MUC15: variants seen among roughly 807,000 people sequenced by gnomAD.
The protein encoded by MUC15 is mucin 15, cell surface associated.
A neutral mutation model predicts 24.0 loss-of-function variants in MUC15; 23 were observed. That is an observed-to-expected ratio of 0.96 (90% CI 0.69 to 1.36). MUC15 has a LOEUF of 1.36. Ranked by LOEUF, MUC15 falls within the 40% of genes most tolerant of loss-of-function variation. The pLI, the probability that MUC15 is intolerant of heterozygous loss-of-function variation, is 0.00. For synonymous variants in MUC15, 151 were observed against 156.3 expected, an observed-to-expected ratio of 0.97 and a Z score of 0.25; for missense variants, 442 against 428.2, an observed-to-expected ratio of 1.03 and a Z score of -0.29.
Position 26,559,858 on chromosome 11 carries a change from A to G in MUC15, c.*1207T>C. On this transcript the variant is annotated 3_prime_UTR_variant, in exon 5 of 5. Coordinates refer to ENST00000529533, the MANE Select transcript of MUC15 (RefSeq NM_001135091.2). ...GTTACACACACACACACACACACACACACACACACACACACACCATGAATC... is the reference window on the plus strand; with the variant it reads ...GTTACACACACACACACACACACACGCACACACACACACACACCATGAATC... 1.1e-6 allele frequency: 1 copy of G among 908,304 alleles called. No homozygotes were observed. The highest frequency in any genetic ancestry group is 1.6e-5 in the African/African-American group (1 of 60,928). The allele number at this position is 908,304 out of a possible 1,614,324, so 56.3% of individuals were successfully genotyped here. A position where few individuals can be genotyped will look rare whatever the true frequency, so the allele number is the denominator to read the frequency against.
At chr11:26,565,972 A>C (rs1020500482) in intron 2 of MUC15, 76 bp from the exon 3 acceptor site, 3 of 1,321,500 alleles carry the variant, frequency 2.3e-6, no homozygotes, top group Admixed American at 3.0e-5. Flanking sequence ...TATATTTTAA[A>C]GTGATAAAAA....
intron 1 of MUC15, among the ~76,000 whole-genome samples, chr11:26,569,396 G>A (rs531639989): frequency 1.4e-4 from 22 of 152,124 alleles, no homozygotes; most frequent in African/African-American, 5.1e-4. Flanking sequence ...TTGTGAAGAC[G>A]GATTGTCCTG....
At chr11:26,570,566 C>T (rs182530791) in intron 1 of MUC15, among the ~76,000 whole-genome samples, 1 of 152,092 alleles carries the variant, frequency 6.6e-6, no homozygotes, top group Non-Finnish European at 1.5e-5. Flanking sequence ...TAAATAGAAT[C>T]ATCAGTTCAG....
Position 26,572,242 on chromosome 11 carries a change from C to G in MUC15, c.-247G>C. On this transcript the variant is annotated 5_prime_UTR_variant, in exon 1 of 5. Coordinates refer to ENST00000529533, the MANE Select transcript of MUC15 (RefSeq NM_001135091.2). The stretch of plus-strand genomic sequence containing the variant: ...CAGAGCGCCCAGGAACCTGACTGAC[C>G]TGCTTCTCAGCTGTAAGCATTAAGA... 1.0e-6 allele frequency: 1 copy of G among 985,420 alleles called. No homozygotes were observed. Among genetic ancestry groups the G allele is most frequent in the Non-Finnish European group, 1.2e-6 (1 of 829,986 alleles). 61.0% of individuals were successfully genotyped at this position (985,420 alleles called of 1,614,324 possible).
chr11:26,569,081 C>T (rs1188302822), intron 1 of MUC15, among the ~76,000 whole-genome samples: 2 of 151,062 alleles, frequency 1.3e-5, no homozygotes, highest in African/African-American at 4.9e-5. Context: ...ATTGAGCTTT[C>T]ATTACCTGCC....
intron 3 of MUC15, among the ~76,000 whole-genome samples, chr11:26,564,767 A>AGTT (rs1850492208): frequency 1.0e-5 from 1 of 98,962 alleles, no homozygotes. Flanking sequence ...ATATATATAT[A>AGTT]TATATATATA....
chr11:26,565,249 AAGGGG>A lies in MUC15; in HGVS notation c.686_690del (p.Thr229IlefsTer16). 1 of 1,554,850 alleles carries A rather than the reference AAGGGG, an allele frequency of 6.4e-7. No homozygotes were observed. Among genetic ancestry groups the A allele is most frequent in the Admixed American group, 2.0e-5 (1 of 49,592 alleles). Reference sequence around the variant, plus strand: ...GGCTGTAGAGTTGTTTTTTCTTGATAAGGGGTAAACCCAGTGAAGCTATCACTGTT... The same window carrying A: ...GGCTGTAGAGTTGTTTTTTCTTGATATAAACCCAGTGAAGCTATCACTGTT... On this transcript the variant is annotated frameshift_variant, in exon 3 of 5. Coordinates refer to ENST00000529533, the MANE Select transcript of MUC15 (RefSeq NM_001135091.2). LOFTEE classifies it high-confidence loss of function.
chr11:26,570,802 T>C (rs1850793866), intron 1 of MUC15, among the ~76,000 whole-genome samples: 1 of 152,094 alleles, frequency 6.6e-6, no homozygotes, highest in Non-Finnish European at 1.5e-5. Context: ...CTTTTTCCAA[T>C]GTTGGACAGT....
Position 26,559,834 on chromosome 11 carries a change from TTAC to T in MUC15, c.*1228_*1230del. On this transcript the variant is annotated 3_prime_UTR_variant, in exon 5 of 5. Coordinates refer to ENST00000529533, the MANE Select transcript of MUC15 (RefSeq NM_001135091.2). ...CTTATTTTCTGAAGCTGTTTCTGTG[TTAC>T]ACACACACACACACACACACACACA... is the stretch of plus-strand genomic sequence containing the variant. The T allele has an allele frequency of 2.1e-6, 2 of 953,190 alleles. No individual in the cohort carries two copies. 59.0% of individuals were successfully genotyped at this position (953,190 alleles called of 1,614,324 possible).
chr11:26,567,558 T>C (rs910039259), intron 1 of MUC15, among the ~76,000 whole-genome samples: 1 of 152,002 alleles, frequency 6.6e-6, no homozygotes, highest in Admixed American at 6.6e-5. Flanking sequence ...CGTAAATATA[T>C]CTATAATATA....
chr11:26,563,272 G>A lies in MUC15; in HGVS notation c.776-7C>T, dbSNP rs760065541. 10 of 1,573,858 alleles carry A rather than the reference G, an allele frequency of 6.4e-6. No individual in the cohort carries two copies. In the East Asian group the frequency reaches 2.0e-4, roughly 32 times the overall value. On this transcript the variant is annotated splice_polypyrimidine_tract_variant and splice_region_variant and intron_variant, in intron 3 of 4. Coordinates refer to ENST00000529533, the MANE Select transcript of MUC15 (RefSeq NM_001135091.2). ...ATTCCTGTATTTCTATTTTCTACAGGACAAAAAAAATTTAAAGAAATATAA... is the reference window on the plus strand; with the variant it reads ...ATTCCTGTATTTCTATTTTCTACAGAACAAAAAAAATTTAAAGAAATATAA...
chr11:26,571,795 T>C (rs293970), intron 1 of MUC15, among the ~76,000 whole-genome samples: 141,390 of 152,128 alleles, frequency 0.93, 65,952 homozygotes, highest in East Asian at 0.98. Context: ...CTGCTGGTTC[T>C]GTAATCTAGC....
At chr11:26,564,088 G>T (rs1186073635) in intron 3 of MUC15, among the ~76,000 whole-genome samples, 1 of 151,524 alleles carries the variant, frequency 6.6e-6, no homozygotes, top group African/African-American at 2.4e-5. Flanking sequence ...CAGTAAACTT[G>T]TTACTAAAAG....
intron 1 of MUC15, among the ~76,000 whole-genome samples, chr11:26,570,986 TA>T (rs1565115187): frequency 6.6e-6 from 1 of 151,694 alleles, no homozygotes; most frequent in Non-Finnish European, 1.5e-5. Context: ...AAAGAAAAAA[TA>T]AAAAAGAAAA....
Position 26,559,993 on chromosome 11 carries a change from C to G in MUC15, c.*1072G>C, listed in dbSNP as rs191589382. 7.4e-6 allele frequency: 3 copies of G among 407,638 alleles called. No homozygotes were observed. The highest frequency in any genetic ancestry group is 1.3e-5 in the Non-Finnish European group (3 of 228,630). 25.3% of individuals were successfully genotyped at this position (407,638 alleles called of 1,614,324 possible). ...GATCTCATCCTCTAATCTCTAAAAC[C>G]TAGACTTTCCTACATCAAGGAACAT... On this transcript the variant is annotated 3_prime_UTR_variant, in exon 5 of 5. Coordinates refer to ENST00000529533, the MANE Select transcript of MUC15 (RefSeq NM_001135091.2).
intron 1 of MUC15, among the ~76,000 whole-genome samples, chr11:26,570,589 C>T (rs1850784274): frequency 6.6e-6 from 1 of 152,094 alleles, no homozygotes; most frequent in Non-Finnish European, 1.5e-5. Flanking sequence ...ATACTGCAGG[C>T]ATAATATAAA....
intron 3 of MUC15, among the ~76,000 whole-genome samples, chr11:26,564,724 C>CAT (rs1850468028): frequency 3.5e-5 from 2 of 57,402 alleles, no homozygotes; most frequent in African/African-American, 6.7e-5. Context: ...CACACACACA[C>CAT]ACACACACAT....
In MUC15 at chr11:26,560,855, T is replaced by A. The variant is rs766980394; in HGVS notation, c.*210A>T. On this transcript the variant is annotated 3_prime_UTR_variant, in exon 5 of 5. Transcript: ENST00000529533. ...TAAAATACAAATTAAGGCTACTTAG[T>A]AAATGCCTCAGGATGGCCAAAAATT... 5 of 452,302 alleles carry A rather than the reference T, an allele frequency of 1.1e-5. No individual in the cohort carries two copies. The highest frequency in any genetic ancestry group is 1.9e-5 in the Non-Finnish European group (5 of 259,074). The allele number at this position is 452,302 out of a possible 1,614,324, so 28.0% of individuals were successfully genotyped here.
In MUC15 at chr11:26,563,132, G is replaced by A. The variant is rs748244834; in HGVS notation, c.909C>T (p.Asp303=). ...AGATTTTACCTGGTTCATTTCTGTC[G>A]TCATAAAGTCGCCGATGGGAAAATG... is the stretch of plus-strand genomic sequence containing the variant. ...TDSFSHRRLY[D]DRNEPVLRLD... Residue 303 remains aspartate (D), a synonymous_variant, in exon 4 of 5, where the codon GAC becomes GAT. Transcript: ENST00000529533. The A allele has an allele frequency of 4.0e-5, 64 of 1,611,564 alleles. No individual in the cohort carries two copies. Among genetic ancestry groups the A allele is most frequent in the South Asian group, 4.0e-4 (36 of 90,908 alleles).
Sources: allele counts gnomAD v4.1 joint callset (sites outside exome capture counted in the v4.1 genomes callset), GRCh38; gene constraint gnomAD v4.1.1; transcripts MANE v1.5; gene names NCBI Gene and HGNC (gene_info 2026-07-23, HGNC 2026-07-21).